Variants in SLX9 observed in about 807,000 individuals in gnomAD.
The protein encoded by SLX9 is SLX9 ribosome biogenesis factor.
In SLX9, 19 loss-of-function variants were observed where a neutral mutation model predicts 20.8. The ratio of observed to expected loss-of-function variants is 0.91; its 90% CI spans 0.64 to 1.34. SLX9 has a LOEUF of 1.34. Among genes scored for constraint, SLX9 ranks in the 40% most tolerant of loss-of-function variants. The pLI is 0.00. For missense variants in SLX9, 299 were observed against 322.2 expected (o/e 0.93, Z 0.55); for synonymous variants, 113 against 137.1 (o/e 0.82, Z 1.23).
intron 2 of SLX9, among the ~76,000 whole-genome samples, chr21:44,956,959 T>C (rs1430524682): frequency 6.6e-6 from 1 of 152,144 alleles, no homozygotes; most frequent in Non-Finnish European, 1.5e-5. Context: ...AAGGCTGTGG[T>C]TCTGGCGAGG....
At chr21:44,974,993 G>T (rs765861815) in intron 5 of SLX9, among the ~76,000 whole-genome samples, 6 of 152,212 alleles carry the variant, frequency 3.9e-5, no homozygotes, top group Non-Finnish European at 7.3e-5. Flanking sequence ...AAGCAGCTCA[G>T]GTTAACGGGT....
chr21:44,969,104 G>A (rs1458889102), intron 4 of SLX9: 1 of 455,700 alleles, frequency 2.2e-6, no homozygotes, highest in East Asian at 7.2e-5. Context: ...CTTTCCATCT[G>A]GGCAGAAAGC....
intron 2 of SLX9, among the ~76,000 whole-genome samples, chr21:44,949,429 C>A (rs956506760): frequency 4.6e-5 from 7 of 152,214 alleles, no homozygotes; most frequent in African/African-American, 1.7e-4. Flanking sequence ...AACCCAGCAC[C>A]CTCGGCCGGG....
intron 2 of SLX9, among the ~76,000 whole-genome samples, chr21:44,955,796 A>G (rs1054460764): frequency 4.6e-5 from 7 of 152,206 alleles, no homozygotes; most frequent in African/African-American, 1.7e-4. Flanking sequence ...ACCCAGCTCT[A>G]TAGGGAGTGT....
chr21:44,959,284 A>T (rs1555873767), intron 2 of SLX9: 2 of 984,270 alleles, frequency 2.0e-6, no homozygotes, highest in Non-Finnish European at 2.4e-6. Context: ...ATACTGGGAG[A>T]TGTGTTCTGG....
intron 2 of SLX9, among the ~76,000 whole-genome samples, chr21:44,948,028 C>T (rs2084676182): frequency 2.0e-5 from 3 of 146,790 alleles, no homozygotes; most frequent in Admixed American, 2.0e-4. Flanking sequence ...GCTGTGCGTG[C>T]TGTGTGGCCA....
At chr21:44,971,857 G>A (rs11701017) in intron 4 of SLX9, among the ~76,000 whole-genome samples, 4 of 152,006 alleles carry the variant, frequency 2.6e-5, no homozygotes, top group African/African-American at 9.7e-5. Flanking sequence ...AGGAGAGGCC[G>A]TGGGGAGATG....
chr21:44,958,593 G>T (rs2084900757), intron 2 of SLX9, among the ~76,000 whole-genome samples: 2 of 152,214 alleles, frequency 1.3e-5, no homozygotes, highest in African/African-American at 4.8e-5. Context: ...GGATCTCAGT[G>T]AACACCCGTC....
At chr21:44,952,761 C>T (rs1266035864) in intron 2 of SLX9, among the ~76,000 whole-genome samples, 2 of 152,220 alleles carry the variant, frequency 1.3e-5, no homozygotes, top group East Asian at 3.9e-4. Flanking sequence ...GGGGCAGTGT[C>T]TGAGCATGTG....
At chr21:44,954,067 T>C (rs538601670) in intron 2 of SLX9, among the ~76,000 whole-genome samples, 5 of 152,168 alleles carry the variant, frequency 3.3e-5, no homozygotes, top group African/African-American at 9.6e-5. Context: ...CCGGGGCACA[T>C]GCTACATCCA....
chr21:44,974,240 C>T (rs1277168095), intron 5 of SLX9, among the ~76,000 whole-genome samples: 1 of 88,114 alleles, frequency 1.1e-5, no homozygotes, highest in Non-Finnish European at 2.9e-5. Flanking sequence ...TCAGTGGGAG[C>T]GTTTTGTGTC....
intron 1 of SLX9, 139 bp downstream of exon 1, chr21:44,940,325 C>T: frequency 8.7e-7 from 1 of 1,150,308 alleles, no homozygotes; most frequent in Non-Finnish European, 1.1e-6. Flanking sequence ...ACAGACGCGA[C>T]CTTCTTGCTT....
intron 2 of SLX9, among the ~76,000 whole-genome samples, chr21:44,949,321 C>G (rs1157605035): frequency 6.6e-6 from 1 of 152,076 alleles, no homozygotes; most frequent in Non-Finnish European, 1.5e-5. Context: ...GGCCCTGGGC[C>G]CGGCTGTCAG....
chr21:44,950,001 A>G (rs1320077482), intron 2 of SLX9, among the ~76,000 whole-genome samples: 1 of 152,070 alleles, frequency 6.6e-6, no homozygotes, highest in Admixed American at 6.5e-5. Flanking sequence ...CGGGATAGAG[A>G]CGCAGGCTCT....
chr21:44,956,790 T>C (rs1388437331), intron 2 of SLX9, among the ~76,000 whole-genome samples: 1 of 152,254 alleles, frequency 6.6e-6, no homozygotes, highest in Non-Finnish European at 1.5e-5. Context: ...CTGTGTCTGC[T>C]GACCTGGTGA....
intron 3 of SLX9, among the ~76,000 whole-genome samples, chr21:44,965,627 C>T (rs2085020030): frequency 1.3e-5 from 2 of 152,216 alleles, no homozygotes; most frequent in South Asian, 4.1e-4. Flanking sequence ...CTTGAGTGGC[C>T]ACTGTGGAGG....
intron 2 of SLX9, among the ~76,000 whole-genome samples, chr21:44,945,154 C>T (rs548201009): frequency 6.6e-6 from 1 of 152,312 alleles, no homozygotes; most frequent in Admixed American, 6.5e-5. Flanking sequence ...ACAGACATAG[C>T]TCATAGATGC....
chr21:44,939,728 C>T (rs1307811883), upstream of SLX9: 4 of 499,558 alleles, frequency 8.0e-6, no homozygotes, highest in Non-Finnish European at 1.6e-5. Flanking sequence ...TTAAAAAGGC[C>T]ATCTCGACTG....
intron 5 of SLX9, among the ~76,000 whole-genome samples, chr21:44,976,435 G>C (rs541153566): frequency 6.6e-6 from 1 of 152,330 alleles, no homozygotes; most frequent in African/African-American, 2.4e-5. Context: ...AGACTTGCTG[G>C]CTGGGTGACA....
Sources: allele counts gnomAD v4.1 joint callset (sites outside exome capture counted in the v4.1 genomes callset), GRCh38; gene constraint gnomAD v4.1.1; transcripts MANE v1.5; gene names NCBI Gene and HGNC (gene_info 2026-07-23, HGNC 2026-07-21).